Variants in CEP135 observed in about 807,000 individuals in gnomAD.
CEP135 encodes centrosomal protein of 135 kDa.
CEP135 carries 142 observed loss-of-function variants against 157.3 expected under a neutral mutation model. That is an observed-to-expected ratio of 0.90 (90% confidence interval 0.79 to 1.04). CEP135 has a LOEUF of 1.04. Among genes scored for constraint, CEP135 ranks in the 50% least tolerant of loss-of-function variants. The probability of loss-of-function intolerance (pLI) is 0.00; values close to 1 mark genes in which losing one functional copy is unlikely to be tolerated. For missense variants in CEP135, 1,317 were observed against 1,309.2 expected (o/e 1.01, Z -0.09); for synonymous variants, 396 against 439.8 (o/e 0.90, Z 1.25).
chr4:56,009,626 A>G lies in CEP135; in HGVS notation c.2337-109A>G, dbSNP rs534089369. 4 of 928,798 alleles carry G rather than the reference A, an allele frequency of 4.3e-6. No homozygotes were observed. In the South Asian group the frequency reaches 7.8e-5, roughly 18 times the overall value. The allele number at this position is 928,798 out of a possible 1,614,324, so 57.5% of individuals were successfully genotyped here. A position where few individuals can be genotyped will look rare whatever the true frequency, so the allele number is the denominator to read the frequency against. On this transcript the variant is annotated intron_variant, in intron 18 of 25. Transcript: ENST00000257287. ...TAATGCAGCAGTTATAATTTCTTAT[A>G]ATCACAGTATATTTGTATTCTAAGT...
At chr4:55,955,895 G>A (rs1403126123) in intron 4 of CEP135, among the ~76,000 whole-genome samples, 1 of 151,938 alleles carries the variant, frequency 6.6e-6, no homozygotes, top group Non-Finnish European at 1.5e-5. Context: ...GGGCCCTGGT[G>A]GAGATGCAAA....
chr4:55,984,032 A>G (rs11726419), intron 13 of CEP135, among the ~76,000 whole-genome samples: 31,477 of 152,072 alleles, frequency 0.21, 3,465 homozygotes, highest in Non-Finnish European at 0.26. Context: ...TTATTGTATT[A>G]TTGGCCCCTG....
chr4:55,950,516 G>A (rs1241240331), intron 1 of CEP135, among the ~76,000 whole-genome samples: 1 of 152,078 alleles, frequency 6.6e-6, no homozygotes, highest in Non-Finnish European at 1.5e-5. Flanking sequence ...TGAGCATATT[G>A]GCTCACACCT....
chr4:56,022,922 C>T (rs890814711), intron 24 of CEP135, among the ~76,000 whole-genome samples: 1 of 152,044 alleles, frequency 6.6e-6, no homozygotes, highest in Admixed American at 6.5e-5. Flanking sequence ...ATAGTGTGAC[C>T]CCTAGCTCTA....
rs192298126 is a variant in CEP135 at position 55,999,407 on chromosome 4, G to A, written c.2115G>A (p.Glu705=). The change falls in exon 16 of 26, where the codon GAG becomes GAA. Residue 705 remains glutamate (E), a synonymous_variant. Coordinates refer to ENST00000257287, the MANE Select transcript of CEP135 (RefSeq NM_025009.5). The part of the protein sequence containing the change: ...ESAQAQIKIL[E]EKIDELNLKM... ...CCCAAGCACAAATTAAAATACTGGA[G>A]GAAAAGATAGGTAAATGTTTTAAAA... 7 of 1,613,612 alleles carry A rather than the reference G, an allele frequency of 4.3e-6. No individual in the cohort carries two copies. The highest frequency in any genetic ancestry group is 5.9e-6 in the Non-Finnish European group (7 of 1,179,900).
chr4:55,958,832 C>A (rs899907550), intron 5 of CEP135, among the ~76,000 whole-genome samples: 4 of 152,126 alleles, frequency 2.6e-5, no homozygotes, highest in African/African-American at 4.8e-5. Flanking sequence ...GCCTGTAATC[C>A]CAGCACTTTG....
At chr4:56,016,485 G>T (rs964376712) in intron 21 of CEP135, among the ~76,000 whole-genome samples, 4 of 151,844 alleles carry the variant, frequency 2.6e-5, no homozygotes, top group African/African-American at 9.7e-5. Context: ...CTTTATTATT[G>T]TTCATGTTCG....
At chr4:56,001,012 G>A (rs867629416) in intron 17 of CEP135, among the ~76,000 whole-genome samples, 10 of 152,062 alleles carry the variant, frequency 6.6e-5, no homozygotes, top group African/African-American at 7.2e-5. Flanking sequence ...TAGTCATGTT[G>A]AGCATTTTTT....
intron 19 of CEP135, 37 bp downstream of exon 19, chr4:56,009,940 C>T (rs750488778): frequency 6.4e-7 from 1 of 1,567,850 alleles, no homozygotes; most frequent in Non-Finnish European, 8.7e-7. Context: ...TAGTTTTATA[C>T]TTTCCATTGT....
intron 13 of CEP135, among the ~76,000 whole-genome samples, chr4:55,983,665 G>T (rs192676836): frequency 1.3e-5 from 2 of 150,544 alleles, no homozygotes; most frequent in East Asian, 1.9e-4. Flanking sequence ...GGGCAGTCCC[G>T]CTCACTGCAA....
At chr4:56,013,919 A>G (rs903440039) in intron 21 of CEP135, among the ~76,000 whole-genome samples, 2 of 152,174 alleles carry the variant, frequency 1.3e-5, no homozygotes, top group East Asian at 3.8e-4. Context: ...TGATGTCTTT[A>G]TAGGACAATG....
chr4:55,964,471 A>C (rs2109655460), intron 7 of CEP135, 69 bp downstream of exon 7: 4 of 1,292,700 alleles, frequency 3.1e-6, no homozygotes, highest in Non-Finnish European at 3.2e-6. Flanking sequence ...ATATGTTTAT[A>C]ATGGTCTATG....
chr4:56,017,364 T>C (rs2109741991), intron 21 of CEP135, among the ~76,000 whole-genome samples: 1 of 152,242 alleles, frequency 6.6e-6, no homozygotes, highest in South Asian at 2.1e-4. Context: ...AAATCCCTCA[T>C]ATTCACAACA....
At chr4:55,968,289 C>T (rs921675874) in intron 8 of CEP135, among the ~76,000 whole-genome samples, 3 of 151,564 alleles carry the variant, frequency 2.0e-5, no homozygotes, top group Admixed American at 6.6e-5. Context: ...AAAGACATTC[C>T]GTGTCCGTGG....
At chr4:56,024,425 C>T (rs1731081454) in intron 24 of CEP135, 76 bp from the exon 25 acceptor site, 1 of 959,168 alleles carries the variant, frequency 1.0e-6, no homozygotes, top group South Asian at 1.4e-5. Context: ...TAGCTAATAA[C>T]TCTTATATTT....
Position 55,953,089 on chromosome 4 carries a change from T to C in CEP135, c.118T>C (p.Leu40=). ...TTAAATTTTCTGTTCTTTTAGCGAC[T>C]TAGTTCATACAACTGAGAGCCTTCG... ...LPLVEKLFSD[L]VHTTESLRQS... Residue 40 remains leucine (L), a synonymous_variant, in exon 3 of 26, where the codon TTA becomes CTA. Coordinates refer to ENST00000257287, the MANE Select transcript of CEP135 (RefSeq NM_025009.5). 2 of 1,568,840 alleles carry C rather than the reference T, an allele frequency of 1.3e-6. No individual in the cohort carries two copies. Among genetic ancestry groups the C allele is most frequent in the Non-Finnish European group, 1.7e-6 (2 of 1,165,862 alleles).
At chr4:56,005,828 A>G (rs1730330450) in intron 17 of CEP135, among the ~76,000 whole-genome samples, 1 of 152,158 alleles carries the variant, frequency 6.6e-6, no homozygotes, top group African/African-American at 2.4e-5. Context: ...AGGACTTTAT[A>G]TCTTCATATT....
intron 17 of CEP135, among the ~76,000 whole-genome samples, chr4:56,002,514 T>C (rs1199527414): frequency 6.6e-6 from 1 of 152,190 alleles, no homozygotes; most frequent in Admixed American, 6.5e-5. Context: ...TTCTTGCTTC[T>C]GTTAATGTAT....
chr4:56,002,744 G>C (rs1466195207), intron 17 of CEP135, among the ~76,000 whole-genome samples: 1 of 152,152 alleles, frequency 6.6e-6, no homozygotes, highest in Non-Finnish European at 1.5e-5. Flanking sequence ...AGGCCTTGTA[G>C]AATGAATTTG....
Sources: allele counts gnomAD v4.1 joint callset (sites outside exome capture counted in the v4.1 genomes callset), GRCh38; gene constraint gnomAD v4.1.1; transcripts MANE v1.5; gene names NCBI Gene and HGNC (gene_info 2026-07-23, HGNC 2026-07-21).